WWOX: variants seen among roughly 807,000 people sequenced by gnomAD.
WWOX encodes WW domain-containing oxidoreductase.
Under a neutral mutation model 46.2 loss-of-function variants are expected in WWOX, and 69 were observed. That is an observed-to-expected ratio of 1.49 (90% confidence interval 1.23 to 1.82). The LOEUF is 1.82. Ranked by LOEUF, WWOX falls within the 40% of genes most tolerant of loss-of-function variation. The probability of loss-of-function intolerance (pLI) is 0.00; values close to 1 mark genes in which losing one functional copy is unlikely to be tolerated. For synonymous variants in WWOX, 359 were observed against 202.6 expected (o/e 1.77, Z -6.56); for missense variants, 919 against 542.6 (o/e 1.69, Z -6.89).
intron 8 of WWOX, among the ~76,000 whole-genome samples, chr16:78,759,362 C>G (rs1001690317): frequency 2.0e-5 from 3 of 152,158 alleles, no homozygotes; most frequent in Admixed American, 6.5e-5. Flanking sequence ...AGAAAATATT[C>G]TTCTGTTTCT....
intron 8 of WWOX, among the ~76,000 whole-genome samples, chr16:78,782,163 T>G (rs533113565): frequency 4.6e-5 from 7 of 152,264 alleles, no homozygotes; most frequent in African/African-American, 1.7e-4. Context: ...CCTTCTCGCC[T>G]TGCCATCACC....
intron 8 of WWOX, among the ~76,000 whole-genome samples, chr16:78,768,342 C>A (rs753271749): frequency 6.9e-6 from 1 of 145,006 alleles, no homozygotes; most frequent in Non-Finnish European, 1.5e-5. Flanking sequence ...GTACTCCCAG[C>A]ACTTTGGGAG....
intron 8 of WWOX, among the ~76,000 whole-genome samples, chr16:78,557,910 T>C (rs1466477100): frequency 6.6e-6 from 1 of 152,090 alleles, no homozygotes; most frequent in African/African-American, 2.4e-5. Flanking sequence ...TTGGCCAGGC[T>C]GCTCTCGAAC....
In WWOX at chr16:78,321,280, A is replaced by ATATATATATACG. The variant is rs747886857; in HGVS notation, c.517-65558_517-65547dup. Among the ~76,000 whole-genome samples, 8 of 144,128 alleles carry ATATATATATACG rather than the reference A, an allele frequency of 5.6e-5. 1 individual carries two copies. The highest frequency in any genetic ancestry group is 7.0e-5 in the Admixed American group (1 of 14,248). 94.6% of individuals were successfully genotyped at this position (144,128 alleles called of 152,430 possible). A position where few individuals can be genotyped will look rare whatever the true frequency, so the allele number is the denominator to read the frequency against. ...CACGTAGGTTCTTAGTTTTTTAAAT[A>ATATATATATACG]TATATATATACGTATATATATACGT... On this transcript the variant is annotated intron_variant, in intron 5 of 8. Transcript: ENST00000566780.
intron 8 of WWOX, among the ~76,000 whole-genome samples, chr16:78,949,038 A>G (rs76800867): frequency 0.067 from 10,186 of 152,210 alleles, 465 homozygotes; most frequent in South Asian, 0.11. Flanking sequence ...GCTAAGAACT[A>G]GCTCTTTCTG....
chr16:78,627,895 TTTGGCG>T (rs1329157517), intron 8 of WWOX, among the ~76,000 whole-genome samples: 1 of 152,220 alleles, frequency 6.6e-6, no homozygotes, highest in Non-Finnish European at 1.5e-5. Flanking sequence ...ATCCCGTGGA[TTTGGCG>T]TTGGCCAGAA....
At chr16:78,126,194 G>A (rs1328115102) in intron 4 of WWOX, among the ~76,000 whole-genome samples, 2 of 152,114 alleles carry the variant, frequency 1.3e-5, no homozygotes, top group East Asian at 3.9e-4. Context: ...AATAGCTGTG[G>A]AATGGAGAAG....
At position 78,222,991 on chromosome 16, in the gene WWOX, C is replaced by A. The variant is rs555901218; in HGVS notation, c.516+58702C>A. On this transcript the variant is annotated intron_variant, in intron 5 of 8. Coordinates refer to ENST00000566780, the MANE Select transcript of WWOX (RefSeq NM_016373.4). ...GGAGCCAGAGGAATGCAGGGAGGGA[C>A]GCACTCCCTGTCATTCCCCTTTCAG... is the stretch of plus-strand genomic sequence containing the variant. Among the ~76,000 whole-genome samples, 26 of 152,210 alleles carry A rather than the reference C, an allele frequency of 1.7e-4. No homozygotes were observed. The South Asian group carries it at 3.1e-3, about 18-fold the overall frequency.
At chr16:78,619,713 T>G (rs2046130109) in intron 8 of WWOX, among the ~76,000 whole-genome samples, 1 of 151,922 alleles carries the variant, frequency 6.6e-6, no homozygotes, top group South Asian at 2.1e-4. Context: ...GAGACCAGCC[T>G]GGGCAACATC....
At chr16:79,024,921 C>T (rs148337168) in intron 8 of WWOX, among the ~76,000 whole-genome samples, 2,114 of 152,252 alleles carry the variant, frequency 0.014, 23 homozygotes, top group South Asian at 0.051. Context: ...TGAAGAAACA[C>T]GTGAGTGTGG....
chr16:78,801,885 A>C (rs1019918835), intron 8 of WWOX, among the ~76,000 whole-genome samples: 1 of 152,154 alleles, frequency 6.6e-6, no homozygotes, highest in Admixed American at 6.5e-5. Context: ...TCCTGATCTA[A>C]AATTAACTGG....
rs76073666 is a variant in WWOX, at chr16:78,541,759, T to A, written c.1056+109007T>A. 5.3e-3 allele frequency among the ~76,000 whole-genome samples: 809 copies of A among 151,836 alleles called. 10 individuals carry two copies. The highest frequency in any genetic ancestry group is 0.019 in the African/African-American group (773 of 41,478). On this transcript the variant is annotated intron_variant, in intron 8 of 8. Transcript: ENST00000566780. Reference sequence around the variant, plus strand: ...TTACAATAATACCCACCTCCCAGGGTTATATGTCAATGGGTTAGGCACAGA... The same window carrying A: ...TTACAATAATACCCACCTCCCAGGGATATATGTCAATGGGTTAGGCACAGA...
At chr16:78,109,731 C>G (rs373333771) in intron 2 of WWOX, 47 bp from the exon 3 acceptor site, 23 of 1,605,978 alleles carry the variant, frequency 1.4e-5, no homozygotes, top group Non-Finnish European at 1.9e-5. Flanking sequence ...CAGGGATGGT[C>G]TTTACTTCTC....
intron 5 of WWOX, among the ~76,000 whole-genome samples, chr16:78,183,419 G>A (rs1176185502): frequency 2.0e-5 from 3 of 152,182 alleles, no homozygotes; most frequent in African/African-American, 7.2e-5. Flanking sequence ...TTTGACTTTG[G>A]TGGTCTAGTT....
intron 5 of WWOX, among the ~76,000 whole-genome samples, chr16:78,374,802 G>A (rs752248567): frequency 1.1e-4 from 16 of 151,892 alleles, no homozygotes; most frequent in Non-Finnish European, 1.8e-4. Context: ...CGTCTGCCTC[G>A]GCCTCCCAAA....
At chr16:78,470,240 A>G (rs984916531) in intron 8 of WWOX, among the ~76,000 whole-genome samples, 8 of 152,172 alleles carry the variant, frequency 5.3e-5, no homozygotes, top group African/African-American at 1.7e-4. Context: ...CATTTTAAGG[A>G]TGAGGCCTGG....
intron 8 of WWOX, among the ~76,000 whole-genome samples, chr16:78,558,120 G>T (rs1488958164): frequency 2.0e-5 from 3 of 152,152 alleles, no homozygotes; most frequent in African/African-American, 4.8e-5. Flanking sequence ...TTGGCTTTCA[G>T]AGAGGTTTGC....
At chr16:78,514,646 TA>T (rs1368700430) in intron 8 of WWOX, among the ~76,000 whole-genome samples, 5 of 152,186 alleles carry the variant, frequency 3.3e-5, no homozygotes, top group African/African-American at 9.7e-5. Context: ...TTGATGCATT[TA>T]AAAAATGCAT....
intron 8 of WWOX, among the ~76,000 whole-genome samples, chr16:78,434,321 T>TTG: frequency 6.6e-6 from 1 of 152,206 alleles, no homozygotes; most frequent in African/African-American, 2.4e-5. Flanking sequence ...GAAACTTACC[T>TTG]GTAGGTGGAT....
Sources: allele counts gnomAD v4.1 joint callset (sites outside exome capture counted in the v4.1 genomes callset), GRCh38; gene constraint gnomAD v4.1.1; transcripts MANE v1.5; gene names NCBI Gene and HGNC (gene_info 2026-07-23, HGNC 2026-07-21).